Variants in PSME3IP1 observed in about 807,000 individuals in gnomAD.
PSME3IP1 encodes the protein PSME3-interacting protein.
Under a neutral mutation model 34.1 loss-of-function variants are expected in PSME3IP1, and 13 were observed. That is an observed-to-expected ratio of 0.38 (90% CI 0.25 to 0.61). PSME3IP1 has a LOEUF of 0.61. Among genes scored for constraint, PSME3IP1 ranks in the 20% least tolerant of loss-of-function variants. PSME3IP1 has a pLI of 0.60. For missense variants in PSME3IP1, 237 were observed against 301.4 expected (o/e 0.79, Z 1.58); for synonymous variants, 93 against 114.3 (o/e 0.81, Z 1.19).
At position 57,173,866 on chromosome 16, in the gene PSME3IP1, C is replaced by CA. The variant is rs1468245489; in HGVS notation, c.-13dup. 1.9e-6 allele frequency: 3 copies of CA among 1,606,740 alleles called. No individual in the cohort carries two copies. Among genetic ancestry groups the CA allele is most frequent in the Non-Finnish European group, 1.7e-6 (2 of 1,177,302 alleles). On this transcript the variant is annotated 5_prime_UTR_variant, in exon 2 of 7. Coordinates refer to ENST00000309137, the MANE Select transcript of PSME3IP1 (RefSeq NM_024946.4). The stretch of plus-strand genomic sequence containing the variant: ...TCCCCTCCATCCATAATGAAACAAC[C>CA]AATCTACAAAACAAAAACAAAAACA...
intron 6 of PSME3IP1, among the ~76,000 whole-genome samples, chr16:57,160,626 C>CT (rs2071119688): frequency 6.6e-6 from 1 of 152,158 alleles, no homozygotes; most frequent in African/African-American, 2.4e-5. Context: ...ATGAAACAAT[C>CT]TAAGTGTTCA....
At chr16:57,169,827 T>C (rs2072350011) in intron 4 of PSME3IP1, among the ~76,000 whole-genome samples, 1 of 152,158 alleles carries the variant, frequency 6.6e-6, no homozygotes, top group Non-Finnish European at 1.5e-5. Flanking sequence ...ACAATATGGG[T>C]ATCTGCCTAT....
At position 57,156,708 on chromosome 16, in the gene PSME3IP1, T is replaced by TA. The variant is rs541011728; in HGVS notation, c.548-2202dup. On this transcript the variant is annotated intron_variant, in intron 6 of 6. Transcript: ENST00000309137. ...ATACTAAGAGTTCTTCCAAATCTGTTAAAAAAACAACCAACAACCAAATAG... is the reference window on the plus strand; with the variant it reads ...ATACTAAGAGTTCTTCCAAATCTGTTAAAAAAAACAACCAACAACCAAATAG... Among the ~76,000 whole-genome samples, 924 of 152,092 alleles carry TA rather than the reference T, an allele frequency of 6.1e-3. 3 individuals carry two copies. The highest frequency in any genetic ancestry group is 0.01 in the Non-Finnish European group (707 of 67,986).
intron 1 of PSME3IP1, among the ~76,000 whole-genome samples, chr16:57,184,357 CCAAA>C (rs1432580809): frequency 6.6e-6 from 1 of 152,106 alleles, no homozygotes; most frequent in South Asian, 2.1e-4. Context: ...CTAATAAATA[CCAAA>C]CAAATTGAAC....
At chr16:57,159,027 T>TA (rs2145474999) in intron 6 of PSME3IP1, among the ~76,000 whole-genome samples, 1 of 152,328 alleles carries the variant, frequency 6.6e-6, no homozygotes, top group African/African-American at 2.4e-5. Context: ...AAAATGGCGT[T>TA]ATGTGGCACA....
chr16:57,171,363 C>A (rs1468757444), intron 4 of PSME3IP1, among the ~76,000 whole-genome samples: 4 of 152,196 alleles, frequency 2.6e-5, no homozygotes, highest in African/African-American at 9.7e-5. Context: ...GTAGAACCTT[C>A]TACGGCCTGA....
chr16:57,182,580 T>TTTTTTTTTTTA (rs2073825591), intron 1 of PSME3IP1, among the ~76,000 whole-genome samples: 1 of 137,112 alleles, frequency 7.3e-6, no homozygotes. Flanking sequence ...AAAAAAACTT[T>TTTTTTTTTTTA]GCATTACAAT....
At position 57,164,097 on chromosome 16, in the gene PSME3IP1, G is replaced by A. The variant is rs772615394; in HGVS notation, c.483-32C>T. The A allele has an allele frequency of 7.5e-6, 12 of 1,603,038 alleles. No homozygotes were observed. The African/African-American group carries it at 1.2e-4, about 16-fold the overall frequency. On this transcript the variant is annotated intron_variant, in intron 5 of 6. Transcript: ENST00000309137. ...CAAAACACATGGTGACTTGAGCCAT[G>A]TCCAATCTTGTGGATCAAAGCTTAG... is the stretch of plus-strand genomic sequence containing the variant.
rs1226889552 is a variant in PSME3IP1 at position 57,153,537 on chromosome 16, G to T, written c.*753C>A. ...CCTACGTTTGTTTCTCTAAAATTTA[G>T]AATCTTAAACTAAATCCTTTATTTC... On this transcript the variant is annotated 3_prime_UTR_variant, in exon 7 of 7. Coordinates refer to ENST00000309137, the MANE Select transcript of PSME3IP1 (RefSeq NM_024946.4). 2 of 152,108 alleles carry T rather than the reference G, an allele frequency of 1.3e-5. No individual in the cohort carries two copies. Among genetic ancestry groups the T allele is most frequent in the Non-Finnish European group, 2.9e-5 (2 of 68,020 alleles). 9.4% of individuals were successfully genotyped at this position (152,108 alleles called of 1,614,324 possible).
At chr16:57,159,609 G>A (rs2145488477) in intron 6 of PSME3IP1, among the ~76,000 whole-genome samples, 1 of 152,292 alleles carries the variant, frequency 6.6e-6, no homozygotes, top group Non-Finnish European at 1.5e-5. Context: ...GCTTCAGGGA[G>A]CGTTCTTCTT....
chr16:57,172,697 G>T, intron 3 of PSME3IP1, 79 bp downstream of exon 3: 1 of 1,095,680 alleles, frequency 9.1e-7, no homozygotes, highest in Non-Finnish European at 1.4e-6. Context: ...CGGCTAGTTA[G>T]GAAAAGTGCT....
chr16:57,168,219 T>C (rs2072134188), intron 4 of PSME3IP1, among the ~76,000 whole-genome samples: 1 of 152,154 alleles, frequency 6.6e-6, no homozygotes, highest in Non-Finnish European at 1.5e-5. Context: ...AAGCATGAAT[T>C]ATCAGCCCAA....
intron 1 of PSME3IP1, chr16:57,181,475 C>G (rs574950590): frequency 1.4e-4 from 21 of 152,318 alleles, no homozygotes; most frequent in Non-Finnish European, 2.6e-4. Context: ...TCCCCACACA[C>G]CAAGCAACCA....
At chr16:57,172,691 TA>T in intron 3 of PSME3IP1, 84 bp downstream of exon 3, 2 of 1,028,092 alleles carry the variant, frequency 1.9e-6, no homozygotes, top group Non-Finnish European at 3.1e-6. Flanking sequence ...ATTCCACGGC[TA>T]GTTAGGAAAA....
At chr16:57,182,565 A>C (rs1441426787) in intron 1 of PSME3IP1, among the ~76,000 whole-genome samples, 27 of 150,256 alleles carry the variant, frequency 1.8e-4, no homozygotes, top group African/African-American at 4.4e-4. Context: ...AAAAAAAAAA[A>C]AAAAAAAAAA....
chr16:57,157,469 TGTA>T (rs1297660386), intron 6 of PSME3IP1, among the ~76,000 whole-genome samples: 1 of 152,128 alleles, frequency 6.6e-6, no homozygotes, highest in Non-Finnish European at 1.5e-5. Flanking sequence ...GCCATGCCCA[TGTA>T]GATGCATGTC....
chr16:57,161,845 G>C (rs2071283373), intron 6 of PSME3IP1, among the ~76,000 whole-genome samples: 1 of 152,034 alleles, frequency 6.6e-6, no homozygotes, highest in African/African-American at 2.4e-5. Flanking sequence ...AAACTTTTTT[G>C]AGACAATTGG....
At position 57,167,079 on chromosome 16, in the gene PSME3IP1, G is replaced by A. The variant is rs755193647; in HGVS notation, c.482+14C>T. On this transcript the variant is annotated intron_variant, in intron 5 of 6. Transcript: ENST00000309137. ...GGTCAGAGAGAAATCTGAGTTGTGT[G>A]AGTGCTGACTAACCTCTTATGCTTC... 1.9e-6 allele frequency: 3 copies of A among 1,612,498 alleles called. No homozygotes were observed. Among genetic ancestry groups the A allele is most frequent in the East Asian group, 4.5e-5 (2 of 44,886 alleles).
At chr16:57,182,529 A>G (rs1454326156) in intron 1 of PSME3IP1, among the ~76,000 whole-genome samples, 2 of 147,408 alleles carry the variant, frequency 1.4e-5, no homozygotes, top group Non-Finnish European at 3.0e-5. Context: ...CCCGGGCAAC[A>G]TAAGGAGATA....
Sources: allele counts gnomAD v4.1 joint callset (sites outside exome capture counted in the v4.1 genomes callset), GRCh38; gene constraint gnomAD v4.1.1; transcripts MANE v1.5; gene names NCBI Gene and HGNC (gene_info 2026-07-23, HGNC 2026-07-21).